Variants in LINGO1 observed in about 807,000 individuals in gnomAD.
LINGO1 encodes leucine-rich repeat and immunoglobulin-like domain-containing nogo receptor-interacting protein 1.
In LINGO1, 11 loss-of-function variants were observed where a neutral mutation model predicts 37.3. The ratio of observed to expected loss-of-function variants is 0.29; its 90% CI spans 0.19 to 0.49. The LOEUF (loss-of-function observed/expected upper bound fraction) is 0.49, where lower values mean the gene tolerates loss of function less well. Among genes scored for constraint, LINGO1 ranks in the 20% least tolerant of loss-of-function variants. The probability of loss-of-function intolerance (pLI) is 0.99; values close to 1 mark genes in which losing one functional copy is unlikely to be tolerated. For missense variants in LINGO1, 585 were observed against 878.2 expected, an observed-to-expected ratio of 0.67 and a Z score of 4.22; for synonymous variants, 387 against 403.0, an observed-to-expected ratio of 0.96 and a Z score of 0.48.
intron 1 of LINGO1, among the ~76,000 whole-genome samples, chr15:77,768,044 C>A (rs2076546833): frequency 6.6e-6 from 1 of 152,254 alleles, no homozygotes; most frequent in South Asian, 2.1e-4. Flanking sequence ...GGACAGAAGA[C>A]TGTGGGTTTG....
intron 3 of LINGO1, chr15:77,648,117 A>G: frequency 5.7e-6 from 2 of 352,324 alleles, no homozygotes; most frequent in South Asian, 4.2e-5. Context: ...TGGGGCCCTC[A>G]GGATCATCAT....
intron 1 of LINGO1, among the ~76,000 whole-genome samples, chr15:77,810,761 G>C (rs1174072915): frequency 2.0e-5 from 3 of 152,184 alleles, no homozygotes; most frequent in East Asian, 3.8e-4. Context: ...CCAAGCATCG[G>C]AGAGTACTGG....
At chr15:77,768,091 G>A (rs2076547103) in intron 1 of LINGO1, among the ~76,000 whole-genome samples, 1 of 152,088 alleles carries the variant, frequency 6.6e-6, no homozygotes, top group South Asian at 2.1e-4. Context: ...TCCCCTCTGT[G>A]GGGCCACCCC....
At chr15:77,806,255 G>T (rs2076958783) in intron 1 of LINGO1, among the ~76,000 whole-genome samples, 1 of 152,004 alleles carries the variant, frequency 6.6e-6, no homozygotes, top group Non-Finnish European at 1.5e-5. Context: ...AGACGCGAGG[G>T]CAGAGGCGGC....
chr15:77,781,416 G>A (rs2076715717), intron 1 of LINGO1, among the ~76,000 whole-genome samples: 1 of 152,258 alleles, frequency 6.6e-6, no homozygotes, highest in Admixed American at 6.5e-5. Context: ...GGAATGCAGT[G>A]AGAAGCTCTA....
intron 1 of LINGO1, among the ~76,000 whole-genome samples, chr15:77,693,067 T>C (rs1011957121): frequency 3.9e-5 from 6 of 152,206 alleles, no homozygotes; most frequent in Non-Finnish European, 7.3e-5. Context: ...CACACCCATG[T>C]GCACGCGTGC....
intron 1 of LINGO1, among the ~76,000 whole-genome samples, chr15:77,631,710 G>A (rs1053900928): frequency 6.6e-6 from 1 of 152,230 alleles, no homozygotes. Flanking sequence ...CAAAGGGGAG[G>A]CCCCTAAAGC....
chr15:77,748,904 C>T (rs1596186402), intron 1 of LINGO1, among the ~76,000 whole-genome samples: 1 of 117,738 alleles, frequency 8.5e-6, no homozygotes, highest in Non-Finnish European at 1.7e-5. Flanking sequence ...TCCTTCCTTC[C>T]TTCTCTTTTT....
chr15:77,752,338 T>C (rs1352623295), intron 1 of LINGO1, among the ~76,000 whole-genome samples: 1 of 152,224 alleles, frequency 6.6e-6, no homozygotes, highest in Admixed American at 6.5e-5. Context: ...CTGAGCTAAT[T>C]AGCAAAGGCT....
intron 2 of LINGO1, among the ~76,000 whole-genome samples, chr15:77,705,261 T>C (rs990482822): frequency 3.3e-5 from 5 of 149,990 alleles, no homozygotes; most frequent in African/African-American, 1.2e-4. Flanking sequence ...ACCAGTTTTA[T>C]TCCCTGACCA....
intron 2 of LINGO1, among the ~76,000 whole-genome samples, chr15:77,717,112 T>C (rs948498302): frequency 2.7e-5 from 4 of 150,394 alleles, no homozygotes; most frequent in African/African-American, 9.7e-5. Flanking sequence ...CAGCGCCCCT[T>C]GCCCACAGCT....
rs761204310 is a variant in LINGO1 at position 77,614,299 on chromosome 15, C to T, written c.1608G>A (p.Pro536=). 19 of 1,613,848 alleles carry T rather than the reference C, an allele frequency of 1.2e-5. No individual in the cohort carries two copies. The highest frequency in any genetic ancestry group is 4.5e-5 in the East Asian group (2 of 44,888). The change falls in exon 2 of 2, where the codon CCG becomes CCA. Residue 536 remains proline (P), a synonymous_variant. Transcript: ENST00000355300. The part of the protein sequence containing the change: ...NKTFAFISNQ[P]GEGEANSTRA... ...GGGTGCTGTTGGCCTCTCCCTCGCC[C>T]GGCTGGTTGGAGATGAAAGCGAAGG...
At chr15:77,728,989 A>G (rs1758962773) in intron 2 of LINGO1, among the ~76,000 whole-genome samples, 1 of 152,184 alleles carries the variant, frequency 6.6e-6, no homozygotes, top group South Asian at 2.1e-4. Context: ...TTGGCCAAGT[A>G]TTTGCAAGGT....
intron 2 of LINGO1, among the ~76,000 whole-genome samples, chr15:77,678,179 A>G (rs1442650649): frequency 3.9e-5 from 6 of 152,234 alleles, no homozygotes; most frequent in Admixed American, 3.9e-4. Context: ...CATCAGGTTT[A>G]TTGAGGTATA....
chr15:77,796,299 C>T (rs1225673759), intron 1 of LINGO1, among the ~76,000 whole-genome samples: 4 of 151,904 alleles, frequency 2.6e-5, no homozygotes, highest in Non-Finnish European at 2.9e-5. Flanking sequence ...CCCACATGTG[C>T]GTGCGGGCGT....
upstream of LINGO1, chr15:77,820,362 C>T (rs2077087555): frequency 6.6e-6 from 1 of 152,426 alleles, no homozygotes; most frequent in Non-Finnish European, 1.5e-5. Flanking sequence ...ACGCCCTCTC[C>T]GCCGCCGTGG....
chr15:77,723,610 G>A (rs566239313), intron 2 of LINGO1, among the ~76,000 whole-genome samples: 16 of 152,162 alleles, frequency 1.1e-4, no homozygotes, highest in African/African-American at 2.7e-4. Flanking sequence ...AAACAAGTGA[G>A]TGCACAGCCA....
Position 77,614,480 on chromosome 15 carries a change from A to G in LINGO1, c.1427T>C (p.Val476Ala). ...VSAKSNGRLT[V>A]FPDGTLEVRY... is the part of the protein sequence containing the mutation. ...CACCTCCAGCGTGCCATCAGGGAAG[A>G]CTGTGAGCCGCCCATTGCTCTTGGC... Residue 476 changes from valine (V) to alanine (A), a missense_variant, in exon 2 of 2, where the codon GTC becomes GCC. Val to Ala is a moderately conservative substitution (Grantham distance 64). Around this residue, in one of 4 missense-constraint regions of LINGO1, gnomAD observed 484 missense variants for 735.0 expected, o/e 0.66. Transcript: ENST00000355300. 1.2e-6 allele frequency: 2 copies of G among 1,610,570 alleles called. No individual in the cohort carries two copies. Among genetic ancestry groups the G allele is most frequent in the Non-Finnish European group, 8.5e-7 (1 of 1,179,750 alleles).
chr15:77,750,662 G>C (rs926313124), intron 1 of LINGO1, among the ~76,000 whole-genome samples: 3 of 152,196 alleles, frequency 2.0e-5, no homozygotes, highest in Non-Finnish European at 4.4e-5. Context: ...CCCCTGTGCT[G>C]AGCCTACTAT....
Sources: allele counts gnomAD v4.1 joint callset (sites outside exome capture counted in the v4.1 genomes callset), GRCh38; gene constraint gnomAD v4.1.1; regional missense constraint gnomAD v4.1.1; transcripts MANE v1.5; gene names NCBI Gene and HGNC (gene_info 2026-07-23, HGNC 2026-07-21).